SERPINB5: variants seen among roughly 807,000 people sequenced by gnomAD.
SERPINB5 encodes the protein serpin B5.
A neutral mutation model predicts 32.2 loss-of-function variants in SERPINB5; 27 were observed. That is an observed-to-expected ratio of 0.84 (90% confidence interval 0.62 to 1.16). SERPINB5 has a LOEUF of 1.16. Among genes scored for constraint, SERPINB5 ranks in the 50% most tolerant of loss-of-function variants. The pLI, the probability that SERPINB5 is intolerant of heterozygous loss-of-function variation, is 0.00. For missense variants in SERPINB5, 388 were observed against 436.3 expected, an observed-to-expected ratio of 0.89 and a Z score of 0.99; for synonymous variants, 154 against 157.4, an observed-to-expected ratio of 0.98 and a Z score of 0.16.
chr18:63,483,199 T>C (rs963961633), intron 1 of SERPINB5, among the ~76,000 whole-genome samples: 3 of 152,224 alleles, frequency 2.0e-5, no homozygotes, highest in African/African-American at 7.2e-5. Flanking sequence ...ATTTTGAAAC[T>C]GTTCCCTCTT....
intron 2 of SERPINB5, among the ~76,000 whole-genome samples, chr18:63,486,309 C>T (rs1917213435): frequency 6.6e-6 from 1 of 152,154 alleles, no homozygotes; most frequent in Non-Finnish European, 1.5e-5. Context: ...CCCAGGGCAG[C>T]CCACCATTTA....
At position 63,499,100 on chromosome 18, in the gene SERPINB5, C is replaced by T. The variant is rs1384635646; in HGVS notation, c.568-20C>T. On this transcript the variant is annotated intron_variant, in intron 5 of 6. Transcript: ENST00000382771. The stretch of plus-strand genomic sequence containing the variant: ...ATGTGTAAATTGAAAAGTAAGCAGT[C>T]CAAATTTTCCCTTTTACAGACAGAC... The T allele has an allele frequency of 8.4e-6, 12 of 1,433,810 alleles. No individual in the cohort carries two copies. Among genetic ancestry groups the T allele is most frequent in the Non-Finnish European group, 1.0e-5 (11 of 1,086,882 alleles). The allele number at this position is 1,433,810 out of a possible 1,614,324, so 88.8% of individuals were successfully genotyped here.
chr18:63,484,739 ATCTTTTT>A, intron 2 of SERPINB5, 143 bp downstream of exon 2: 48 of 144,452 alleles, frequency 3.3e-4, no homozygotes, highest in African/African-American at 1.9e-3. Context: ...GACTCTCTTA[ATCTTTTT>A]TTTTTTTTTT....
chr18:63,478,554 A>C (rs967214502), intron 1 of SERPINB5, among the ~76,000 whole-genome samples: 11 of 152,142 alleles, frequency 7.2e-5, no homozygotes, highest in Non-Finnish European at 1.6e-4. Context: ...TTTGCTCCTC[A>C]AAGACTTAGA....
At chr18:63,491,372 A>T (rs1357626235) in intron 4 of SERPINB5, among the ~76,000 whole-genome samples, 1 of 142,348 alleles carries the variant, frequency 7.0e-6, no homozygotes, top group African/African-American at 2.6e-5. Context: ...ATTGCACTCC[A>T]GCCTGGGTGA....
chr18:63,504,974 A>G lies in SERPINB5; in HGVS notation c.*1252A>G, dbSNP rs886337686. 2 of 152,104 alleles carry G rather than the reference A, an allele frequency of 1.3e-5. No homozygotes were observed. Among genetic ancestry groups the G allele is most frequent in the African/African-American group, 2.4e-5 (1 of 41,404 alleles). 9.4% of individuals were successfully genotyped at this position (152,104 alleles called of 1,614,324 possible). A position where few individuals can be genotyped will look rare whatever the true frequency, so the allele number is the denominator to read the frequency against. On this transcript the variant is annotated 3_prime_UTR_variant, in exon 7 of 7. Transcript: ENST00000382771. ...ATGTATTTACCAAAAATTTTGTGAC[A>G]TTCCTTCTCCCATCTCTTCCTTGAC...
intron 6 of SERPINB5, among the ~76,000 whole-genome samples, chr18:63,501,453 T>C (rs1909570821): frequency 6.6e-6 from 1 of 152,198 alleles, no homozygotes; most frequent in Admixed American, 6.5e-5. Flanking sequence ...TTATTGGACA[T>C]TTGGGTTGGT....
chr18:63,500,617 C>T (rs1909551396), intron 6 of SERPINB5, among the ~76,000 whole-genome samples: 1 of 152,150 alleles, frequency 6.6e-6, no homozygotes, highest in Non-Finnish European at 1.5e-5. Flanking sequence ...TGCTCCCTCA[C>T]CTCTGCTTAG....
At chr18:63,492,847 G>T in intron 4 of SERPINB5, 106 bp from the exon 5 acceptor site, 10 of 1,383,502 alleles carry the variant, frequency 7.2e-6, no homozygotes, top group East Asian at 2.3e-5. Context: ...GGCCTTACAT[G>T]GTGTGACTCC....
Position 63,503,717 on chromosome 18 carries a change from C to G in SERPINB5, c.1123C>G (p.Pro375Ala), listed in dbSNP as rs745584005. The change falls in exon 7 of 7, where the codon CCT (proline) becomes GCT (alanine). Residue 375 changes from proline to alanine, a missense_variant. Physicochemically the swap from Pro to Ala is conservative, Grantham distance 27. Coordinates refer to ENST00000382771, the MANE Select transcript of SERPINB5 (RefSeq NM_002639.5). ...TATTTTCTTTGGCAAATTCTGTTCTCCTTAAGTGGCATAGCCCATGTTAAG... is the reference window on the plus strand; with the variant it reads ...TATTTTCTTTGGCAAATTCTGTTCTGCTTAAGTGGCATAGCCCATGTTAAG... ...NIIFFGKFCS[P>A] 2 of 1,614,058 alleles carry G rather than the reference C, an allele frequency of 1.2e-6. No individual in the cohort carries two copies. Among genetic ancestry groups the G allele is most frequent in the East Asian group, 2.2e-5 (1 of 44,876 alleles).
rs1917227676 is a variant in SERPINB5, at chr18:63,487,078, T to C, written c.301T>C (p.Ser101Pro). The change falls in exon 3 of 7, where the codon TCT (serine) becomes CCT (proline). Residue 101 changes from serine to proline, a missense_variant. Coordinates refer to ENST00000382771, the MANE Select transcript of SERPINB5 (RefSeq NM_002639.5). Reference sequence around the variant, plus strand: ...CTACGTAGACAAATCTCTGAATCTTTCTACAGTAAGTTGTTTAAAGCAAGT... The same window carrying C: ...CTACGTAGACAAATCTCTGAATCTTCCTACAGTAAGTTGTTTAAAGCAAGT... The part of the protein sequence containing the change: ...RLYVDKSLNL[S>P]TEFISSTKRP... 6.2e-7 allele frequency: 1 copy of C among 1,613,602 alleles called. No individual in the cohort carries two copies. Among genetic ancestry groups the C allele is most frequent in the Middle Eastern group, 1.7e-4 (1 of 6,044 alleles).
chr18:63,481,141 G>A (rs1917120777), intron 1 of SERPINB5, among the ~76,000 whole-genome samples: 1 of 152,168 alleles, frequency 6.6e-6, no homozygotes. Flanking sequence ...TTGCAACACA[G>A]CATTAATTGT....
intron 2 of SERPINB5, among the ~76,000 whole-genome samples, 175 bp downstream of exon 2, chr18:63,484,771 A>G (rs1189571661): frequency 5.4e-5 from 2 of 37,256 alleles, no homozygotes; most frequent in African/African-American, 1.2e-4. Flanking sequence ...TTTGTGAGAC[A>G]GGGTCCCACT....
intron 3 of SERPINB5, among the ~76,000 whole-genome samples, chr18:63,488,289 G>A (rs1458701182): frequency 6.6e-6 from 1 of 152,166 alleles, no homozygotes; most frequent in African/African-American, 2.4e-5. Context: ...AATTCAAGAA[G>A]CCCTGTGCTT....
intron 1 of SERPINB5, among the ~76,000 whole-genome samples, chr18:63,480,073 C>A (rs1917101894): frequency 6.6e-6 from 1 of 152,184 alleles, no homozygotes; most frequent in Non-Finnish European, 1.5e-5. Flanking sequence ...GCCACTCTCA[C>A]TCCCTGCGTG....
In SERPINB5 at chr18:63,497,351, T is replaced by C. The variant is rs1483497494; in HGVS notation, c.568-1769T>C. 4 of 1,308,696 alleles carry C rather than the reference T, an allele frequency of 3.1e-6. No homozygotes were observed. In the African/African-American group the frequency reaches 4.3e-5, roughly 14 times the overall value. The allele number at this position is 1,308,696 out of a possible 1,614,324, so 81.1% of individuals were successfully genotyped here. ...CTGGGCTTTGCCCTGTCTGAGGCCA[T>C]GGGGCTCTTCTGTTTGATGGTCGCC... is the stretch of plus-strand genomic sequence containing the variant. On this transcript the variant is annotated intron_variant, in intron 5 of 6. Transcript: ENST00000382771.
chr18:63,484,600 AG>A lies in SERPINB5; in HGVS notation c.168+5del, dbSNP rs537383318. Reference sequence around the variant, plus strand: ...CACTGCAAATGAAATTGGACAGGTAAGCCCCAAAACCTTGTTTCTACTTTAA... The same window carrying A: ...CACTGCAAATGAAATTGGACAGGTAACCCCAAAACCTTGTTTCTACTTTAA... On this transcript the variant is annotated splice_donor_5th_base_variant and intron_variant, in intron 2 of 6. Transcript: ENST00000382771. The A allele has an allele frequency of 2.0e-4, 320 of 1,611,948 alleles. No individual in the cohort carries two copies. Among genetic ancestry groups the A allele is most frequent in the Non-Finnish European group, 2.5e-4 (291 of 1,179,296 alleles).
chr18:63,489,214 CAA>C (rs1339878975), intron 3 of SERPINB5, 131 bp from the exon 4 acceptor site: 10 of 472,570 alleles, frequency 2.1e-5, no homozygotes, highest in Admixed American at 3.8e-5. Context: ...CATGAGGTTT[CAA>C]TTCATATAGT....
At chr18:63,494,321 C>CAAAAA (rs372412366) in intron 5 of SERPINB5, among the ~76,000 whole-genome samples, 168 of 45,852 alleles carry the variant, frequency 3.7e-3, no homozygotes, top group Middle Eastern at 0.017. Context: ...GACTCCATCT[C>CAAAAA]AAAAAAAAAA....
Sources: allele counts gnomAD v4.1 joint callset (sites outside exome capture counted in the v4.1 genomes callset), GRCh38; gene constraint gnomAD v4.1.1; transcripts MANE v1.5; gene names NCBI Gene and HGNC (gene_info 2026-07-23, HGNC 2026-07-21).